Variants in PKD1L1 observed in about 807,000 individuals in gnomAD.
PKD1L1 encodes the protein polycystin 1 like 1, transient receptor potential channel interacting.
A neutral mutation model predicts 323.4 loss-of-function variants in PKD1L1; 236 were observed. That is an observed-to-expected ratio of 0.73 (90% CI 0.66 to 0.81). PKD1L1 has a LOEUF of 0.81. Ranked by LOEUF, PKD1L1 falls within the 40% of genes least tolerant of loss-of-function variation. The probability of loss-of-function intolerance (pLI) is 0.00; values close to 1 mark genes in which losing one functional copy is unlikely to be tolerated. For missense variants in PKD1L1, 3,320 were observed against 3,508.0 expected, an observed-to-expected ratio of 0.95 and a Z score of 1.35; for synonymous variants, 1,344 against 1,335.0, an observed-to-expected ratio of 1.01 and a Z score of -0.15.
intron 26 of PKD1L1, among the ~76,000 whole-genome samples, chr7:47,863,189 T>C (rs1208393747): frequency 6.6e-6 from 1 of 152,122 alleles, no homozygotes; most frequent in African/African-American, 2.4e-5. Context: ...GGATTCTGCA[T>C]GGACGGTGCT....
Position 47,929,493 on chromosome 7 carries a change from G to A in PKD1L1, c.771C>T (p.Thr257=). 6.2e-7 allele frequency: 1 copy of A among 1,614,000 alleles called. No individual in the cohort carries two copies. The highest frequency in any genetic ancestry group is 8.5e-7 in the Non-Finnish European group (1 of 1,179,914). The change falls in exon 7 of 57, where the codon ACC becomes ACT. Residue 257 remains threonine (T), a synonymous_variant. Transcript: ENST00000289672. ...CAGACTGCGATGCCGTGAAGCTGGG[G>A]GTGCGAGGAATGCCAGGCGGAAGGC... ...SHGLPPGIPR[T]PSFTASQSGS...
intron 56 of PKD1L1, among the ~76,000 whole-genome samples, chr7:47,777,618 T>C (rs972129583): frequency 3.3e-5 from 5 of 152,142 alleles, no homozygotes; most frequent in East Asian, 1.9e-4. Context: ...GCTGCATTAG[T>C]GTAAGTATAG....
rs774306109 is a variant in PKD1L1 at position 47,796,091 on chromosome 7, A to C, written c.8253T>G (p.Phe2751Leu). ...QKRKSFQSKS[F>L]VRLKDVTAYM... Reference sequence around the variant, plus strand: ...AAGCAGTGACATCTTTAAGTCTCACAAAAGATTTACTTTGAAAAGATTTTC... The same window carrying C: ...AAGCAGTGACATCTTTAAGTCTCACCAAAGATTTACTTTGAAAAGATTTTC... Residue 2751 changes from phenylalanine to leucine, a missense_variant, in exon 55 of 57, where the codon TTT becomes TTG. By Grantham distance (22) the Phe-to-Leu change is conservative. Coordinates refer to ENST00000289672, the MANE Select transcript of PKD1L1 (RefSeq NM_138295.5). The C allele has an allele frequency of 1.2e-6, 2 of 1,611,522 alleles. No individual in the cohort carries two copies. Among genetic ancestry groups the C allele is most frequent in the Admixed American group, 1.7e-5 (1 of 59,564 alleles).
chr7:47,835,141 G>C lies in PKD1L1; in HGVS notation c.6046C>G (p.Leu2016Val). Residue 2016 changes from leucine (L) to valine (V), a missense_variant, in exon 38 of 57, where the codon CTC becomes GTC. Physicochemically the swap from Leu to Val is conservative, Grantham distance 32 (BLOSUM62 1). Coordinates refer to ENST00000289672, the MANE Select transcript of PKD1L1 (RefSeq NM_138295.5). ...GAQLLSLLFR[L>V]SKEAPGSARV... ...GGACAAGTCGCAGGTACCTTGCTGA[G>C]CCTGAAGAGCAGGGACAAGAGCTGG... 5 of 1,599,562 alleles carry C rather than the reference G, an allele frequency of 3.1e-6. No individual in the cohort carries two copies. The highest frequency in any genetic ancestry group is 3.4e-6 in the Non-Finnish European group (4 of 1,172,376).
chr7:47,955,999 CGA>C, the PKD1L1 span, among the ~76,000 whole-genome samples: 3 of 152,156 alleles, frequency 2.0e-5, no homozygotes, highest in East Asian at 3.8e-4. Flanking sequence ...GTACAGAATT[CGA>C]GAGTGACATC....
At chr7:47,864,585 TTTCTTTCTTTCTTTCTTTC>T (rs1786109396) in intron 26 of PKD1L1, among the ~76,000 whole-genome samples, 1 of 77,594 alleles carries the variant, frequency 1.3e-5, no homozygotes, top group African/African-American at 7.3e-5. Flanking sequence ...CTTTTCTTTC[TTTCTTTCTTTCTTTCTTTC>T]TTTCTTTCTT....
chr7:47,832,925 A>C (rs1010148865), intron 41 of PKD1L1, among the ~76,000 whole-genome samples, 165 bp downstream of exon 41: 7 of 152,392 alleles, frequency 4.6e-5, no homozygotes, highest in Admixed American at 6.5e-5. Flanking sequence ...TTTGGAGGAA[A>C]GCTGGACGCC....
chr7:47,839,604 G>A lies in PKD1L1; in HGVS notation c.5611C>T (p.Pro1871Ser), dbSNP rs1441586457. The A allele has an allele frequency of 6.3e-7, 1 of 1,594,906 alleles. No homozygotes were observed. The highest frequency in any genetic ancestry group is 8.5e-7 in the Non-Finnish European group (1 of 1,170,994). ...KIRLWHDSRG[P>S]SPGWFISHVM... Reference sequence around the variant, plus strand: ...TGGCTGATGAACCAGCCTGGGGAAGGCCCACGGCTGTCGTGCCAGAGGCGG... The same window carrying A: ...TGGCTGATGAACCAGCCTGGGGAAGACCCACGGCTGTCGTGCCAGAGGCGG... Residue 1871 changes from proline (P) to serine (S), a missense_variant, in exon 36 of 57, where the codon CCT (proline) becomes TCT (serine). By Grantham distance (74) the Pro-to-Ser change is moderately conservative. Transcript: ENST00000289672. This position sits in a 1 kb window ranked among gnomAD's most constrained non-coding sequence, Gnocchi z 4.3.
the PKD1L1 span, among the ~76,000 whole-genome samples, chr7:47,956,165 G>C: frequency 8.5e-6 from 1 of 117,068 alleles, no homozygotes; most frequent in Non-Finnish European, 2.0e-5. Context: ...GAAAAACCAT[G>C]AACAGAGGGT....
At chr7:47,869,187 A>C (rs1264106345) in intron 24 of PKD1L1, among the ~76,000 whole-genome samples, 1 of 152,226 alleles carries the variant, frequency 6.6e-6, no homozygotes, top group Non-Finnish European at 1.5e-5. Flanking sequence ...GAGGCAGTAA[A>C]GAAGAAATAG....
upstream of PKD1L1, chr7:47,948,493 A>ATTTTTT: frequency 6.4e-7 from 1 of 1,566,620 alleles, no homozygotes; most frequent in Admixed American, 1.7e-5. Flanking sequence ...GCTTCTTCCT[A>ATTTTTT]CATCCTCTGG....
chr7:47,869,483 A>G (rs1034520196), intron 24 of PKD1L1, among the ~76,000 whole-genome samples: 1 of 152,188 alleles, frequency 6.6e-6, no homozygotes, highest in African/African-American at 2.4e-5. Context: ...GACAAAAAAG[A>G]AATTAGACAA....
At chr7:47,806,337 T>C (rs1283099007) in intron 52 of PKD1L1, among the ~76,000 whole-genome samples, 1 of 152,242 alleles carries the variant, frequency 6.6e-6, no homozygotes, top group Non-Finnish European at 1.5e-5. Context: ...GACAGAAAGC[T>C]GGCCGCTATC....
At position 47,874,150 on chromosome 7, in the gene PKD1L1, G is replaced by A. The variant is rs1786350514; in HGVS notation, c.3785-140C>T. 13 of 599,354 alleles carry A rather than the reference G, an allele frequency of 2.2e-5. No homozygotes were observed. In the South Asian group the frequency reaches 2.6e-4, roughly 12 times the overall value. The allele number at this position is 599,354 out of a possible 1,614,324, so 37.1% of individuals were successfully genotyped here. ...GGGGCCAGGCTCCGAGCCACAGGGAGCCCAGGGAGTGAAATACAAACTCGG... is the reference window on the plus strand; with the variant it reads ...GGGGCCAGGCTCCGAGCCACAGGGAACCCAGGGAGTGAAATACAAACTCGG... On this transcript the variant is annotated intron_variant, in intron 23 of 56. Transcript: ENST00000289672.
At chr7:47,959,013 G>A in the PKD1L1 span, among the ~76,000 whole-genome samples, 5 of 152,334 alleles carry the variant, frequency 3.3e-5, no homozygotes, top group East Asian at 3.9e-4. Context: ...TGGTGGAGAC[G>A]GGGTTTCGCT....
chr7:47,910,634 G>A (rs1187673935), intron 8 of PKD1L1, among the ~76,000 whole-genome samples: 6 of 147,176 alleles, frequency 4.1e-5, no homozygotes, highest in South Asian at 2.2e-4. Flanking sequence ...CAACGCGCCC[G>A]GCCAGGCATA....
chr7:47,907,909 A>G (rs577125113), intron 9 of PKD1L1, among the ~76,000 whole-genome samples, 168 bp downstream of exon 9: 2 of 152,348 alleles, frequency 1.3e-5, no homozygotes, highest in South Asian at 2.1e-4. Flanking sequence ...ATGTTCCCTC[A>G]GAACACAGTA....
chr7:47,836,555 C>T (rs958678307), intron 37 of PKD1L1, among the ~76,000 whole-genome samples: 12 of 152,210 alleles, frequency 7.9e-5, no homozygotes, highest in Non-Finnish European at 1.6e-4. Context: ...AATGGTTCTA[C>T]GTTCTTTTGT....
intron 56 of PKD1L1, among the ~76,000 whole-genome samples, chr7:47,788,578 T>TATATATATA (rs372725570): frequency 0.013 from 915 of 71,880 alleles, 9 homozygotes; most frequent in Admixed American, 0.014. Context: ...TATATATATA[T>TATATATATA]TTTTTTTTTT....
Sources: allele counts gnomAD v4.1 joint callset (sites outside exome capture counted in the v4.1 genomes callset), GRCh38; gene constraint gnomAD v4.1.1; non-coding constraint Gnocchi (gnomAD v3.1); transcripts MANE v1.5; gene names NCBI Gene and HGNC (gene_info 2026-07-23, HGNC 2026-07-21).